Variants in COL5A1 observed in about 807,000 individuals in gnomAD.
COL5A1 encodes collagen type V alpha 1 chain, also known as collagen alpha-1(V) chain.
In COL5A1, 16 loss-of-function variants were observed where a neutral mutation model predicts 263.7. The ratio of observed to expected loss-of-function variants is 0.06; its 90% CI spans 0.04 to 0.09. The LOEUF (loss-of-function observed/expected upper bound fraction) is 0.09, where lower values mean the gene tolerates loss of function less well. COL5A1 is among the 10% of genes least tolerant of loss of function. The pLI, the probability that COL5A1 is intolerant of heterozygous loss-of-function variation, is 1.00. For missense variants in COL5A1, 2,036 were observed against 2,540.5 expected (o/e 0.80, Z 4.27); for synonymous variants, 1,012 against 1,004.5 (o/e 1.01, Z -0.14).
intron 11 of COL5A1, among the ~76,000 whole-genome samples, chr9:134,747,739 GCAAA>G: frequency 7.3e-6 from 1 of 137,768 alleles, no homozygotes; most frequent in Non-Finnish European, 1.5e-5. Context: ...ATGCACACAT[GCAAA>G]CACATGCACA....
chr9:134,724,869 A>G (rs3124297), intron 4 of COL5A1, among the ~76,000 whole-genome samples: 60,403 of 149,216 alleles, frequency 0.4, 13,316 homozygotes, highest in Admixed American at 0.58. Flanking sequence ...AACCAGGCTC[A>G]GGTGAACCAG....
intron 4 of COL5A1, among the ~76,000 whole-genome samples, chr9:134,707,626 A>G (rs1338374679): frequency 2.0e-5 from 3 of 152,096 alleles, no homozygotes; most frequent in Admixed American, 6.5e-5. Context: ...TAGGGCCTCG[A>G]AGGGGAGAGC....
At chr9:134,802,789 T>G (rs1005290539) in intron 38 of COL5A1, 99 bp from the exon 39 acceptor site, 5 of 914,138 alleles carry the variant, frequency 5.5e-6, no homozygotes, top group Non-Finnish European at 8.8e-6. Flanking sequence ...AGCAGACCTT[T>G]GCGTCCATGA....
intron 1 of COL5A1, chr9:134,649,698 A>G (rs748657720): frequency 1.7e-5 from 6 of 354,018 alleles, no homozygotes; most frequent in Non-Finnish European, 2.7e-5. Context: ...TACCCAAAGG[A>G]TTATAAATCA....
chr9:134,825,165 CAG>C (rs1839213125), intron 62 of COL5A1, among the ~76,000 whole-genome samples: 1 of 152,198 alleles, frequency 6.6e-6, no homozygotes, highest in Non-Finnish European at 1.5e-5. Flanking sequence ...CAAATGGGAA[CAG>C]AAACATCTCC....
At chr9:134,824,981 C>T (rs902409645) in intron 62 of COL5A1, 126 bp downstream of exon 62, 22 of 1,335,532 alleles carry the variant, frequency 1.6e-5, no homozygotes, top group Non-Finnish European at 2.0e-5. Flanking sequence ...CGCAGCCTCC[C>T]CATCTGTGGG....
At chr9:134,651,250 A>G (rs1831677084) in intron 1 of COL5A1, among the ~76,000 whole-genome samples, 1 of 152,252 alleles carries the variant, frequency 6.6e-6, no homozygotes, top group South Asian at 2.1e-4. Flanking sequence ...ATGCCATAAA[A>G]TGACATAAAA....
rs1833493322 is a variant in COL5A1 at position 134,696,877 on chromosome 9, T to C, written c.278-3032T>C. On this transcript the variant is annotated intron_variant, in intron 2 of 65. Coordinates refer to ENST00000371817, the MANE Select transcript of COL5A1 (RefSeq NM_000093.5). This position sits in a 1 kb window ranked among gnomAD's most constrained non-coding sequence, Gnocchi z 4.3. Reference sequence around the variant, plus strand: ...CGAGGTCAGGAGATCGAGACCATCCTGGCTAACACGGTGAAACCCCATCCC... The same window carrying C: ...CGAGGTCAGGAGATCGAGACCATCCCGGCTAACACGGTGAAACCCCATCCC... 6.6e-6 allele frequency among the ~76,000 whole-genome samples: 1 copy of C among 152,092 alleles called. No individual in the cohort carries two copies. The highest frequency in any genetic ancestry group is 1.5e-5 in the Non-Finnish European group (1 of 68,028).
chr9:134,818,851 G>A lies in COL5A1; in HGVS notation c.4342G>A (p.Glu1448Lys). The change falls in exon 56 of 66, where the codon GAA (glutamate) becomes AAA (lysine). Residue 1448 changes from glutamate (E) to lysine (K), a missense_variant. By Grantham distance (56) the Glu-to-Lys change is moderately conservative (BLOSUM62 1). Coordinates refer to ENST00000371817, the MANE Select transcript of COL5A1 (RefSeq NM_000093.5). The surrounding 1 kb of genome is among the most constrained non-coding windows in gnomAD (Gnocchi z 6.0). ...GLRGIPGPVG[E>K]QGLPGSPGPD... ...GCAGAGCGTCTCTGTGTTTCAGGGAGAACAAGGTCTCCCAGGATCCCCAGG... is the reference window on the plus strand; with the variant it reads ...GCAGAGCGTCTCTGTGTTTCAGGGAAAACAAGGTCTCCCAGGATCCCCAGG... The A allele has an allele frequency of 6.2e-7, 1 of 1,613,226 alleles. No homozygotes were observed.
chr9:134,829,010 G>A (rs78156140), intron 63 of COL5A1, among the ~76,000 whole-genome samples: 3,971 of 152,012 alleles, frequency 0.026, 121 homozygotes, highest in African/African-American at 0.077. Flanking sequence ...ACACACACAC[G>A]CACACAGTCT....
chr9:134,725,726 C>T (rs1047174775), intron 4 of COL5A1, among the ~76,000 whole-genome samples: 1 of 152,158 alleles, frequency 6.6e-6, no homozygotes, highest in East Asian at 1.9e-4. Context: ...CACAATGAAT[C>T]CGAAAGTTCA....
At chr9:134,833,553 G>A (rs988325024) in intron 64 of COL5A1, among the ~76,000 whole-genome samples, 5 of 152,150 alleles carry the variant, frequency 3.3e-5, no homozygotes, top group Non-Finnish European at 5.9e-5. Context: ...CTGAGGAGAC[G>A]CTTCTGGGAA....
intron 34 of COL5A1, 141 bp from the exon 35 acceptor site, chr9:134,796,233 C>A: frequency 1.1e-6 from 1 of 898,240 alleles, no homozygotes; most frequent in South Asian, 1.3e-5. Flanking sequence ...GCCTTCTGCC[C>A]CTTACTGAGG....
In COL5A1 at chr9:134,652,523, A is replaced by C. The variant is rs1289625112; in HGVS notation, c.109+10227A>C. ...TTTGGGGACATGTGGCAATGTCTGG[A>C]GATGTTTTCTGATTGTCGCACCTGG... On this transcript the variant is annotated intron_variant, in intron 1 of 65. Transcript: ENST00000371817. The surrounding 1 kb of genome is among the most constrained non-coding windows in gnomAD (Gnocchi z 4.4). Among the ~76,000 whole-genome samples the C allele has an allele frequency of 6.6e-6, 1 of 152,062 alleles. No homozygotes were observed. The highest frequency in any genetic ancestry group is 1.5e-5 in the Non-Finnish European group (1 of 68,010).
intron 1 of COL5A1, among the ~76,000 whole-genome samples, chr9:134,644,110 C>T (rs979749223): frequency 1.3e-5 from 2 of 151,970 alleles, no homozygotes; most frequent in East Asian, 1.9e-4. Flanking sequence ...GTTTTGCCAA[C>T]GTCTCTCCAC....
At chr9:134,658,585 C>T (rs1222176693) in intron 1 of COL5A1, among the ~76,000 whole-genome samples, 1 of 152,000 alleles carries the variant, frequency 6.6e-6, no homozygotes, top group Non-Finnish European at 1.5e-5. Flanking sequence ...AGCCCTCAAG[C>T]AGGATTTGCA....
chr9:134,651,981 C>T (rs555874635), intron 1 of COL5A1, among the ~76,000 whole-genome samples: 2 of 152,244 alleles, frequency 1.3e-5, no homozygotes, highest in South Asian at 2.1e-4. Context: ...TTCCTGTGGA[C>T]GTTCCCCTTC....
intron 59 of COL5A1, 59 bp downstream of exon 59, chr9:134,822,209 C>T: frequency 7.5e-7 from 1 of 1,339,256 alleles, no homozygotes; most frequent in Admixed American, 1.7e-5. Context: ...GGGGATAAGC[C>T]TTGGGGCCTC....
intron 28 of COL5A1, among the ~76,000 whole-genome samples, chr9:134,780,787 C>G (rs1327685529): frequency 6.6e-6 from 1 of 152,232 alleles, no homozygotes; most frequent in Non-Finnish European, 1.5e-5. Flanking sequence ...GGCCACCTTT[C>G]TCTTCTCACT....
Sources: gnomAD v4.1 joint callset for allele counts (sites outside exome capture counted in the v4.1 genomes callset) on GRCh38, gnomAD v4.1.1 for gene constraint, Gnocchi (gnomAD v3.1) non-coding constraint, MANE v1.5 for transcripts, NCBI Gene and HGNC (gene_info 2026-07-23, HGNC 2026-07-21) for gene names.